Variants in LIMS1 observed in about 807,000 individuals in gnomAD.
LIMS1 encodes the protein LIM and senescent cell antigen-like-containing domain protein 1.
A neutral mutation model predicts 44.1 loss-of-function variants in LIMS1; 18 were observed. The ratio of observed to expected loss-of-function variants is 0.41; its 90% CI spans 0.28 to 0.61. The LOEUF (loss-of-function observed/expected upper bound fraction) is 0.61. Ranked by LOEUF, LIMS1 falls within the 20% of genes least tolerant of loss-of-function variation. The pLI, the probability that LIMS1 is intolerant of heterozygous loss-of-function variation, is 0.32. For missense variants in LIMS1, 201 were observed against 422.0 expected (o/e 0.48, Z 4.59); for synonymous variants, 93 against 149.1 (o/e 0.62, Z 2.74).
chr2:108,633,848 A>C (rs1689067670), intron 1 of LIMS1, among the ~76,000 whole-genome samples: 1 of 152,158 alleles, frequency 6.6e-6, no homozygotes, highest in Admixed American at 6.5e-5. Flanking sequence ...AATGATAAGA[A>C]ATTTACACAC....
chr2:108,546,146 C>T (rs189990566), intron 1 of LIMS1, among the ~76,000 whole-genome samples: 1 of 152,066 alleles, frequency 6.6e-6, no homozygotes, highest in Admixed American at 6.5e-5. Context: ...AGTACATTGT[C>T]TGTGGTATCT....
chr2:108,680,575 A>T (rs1692919433), intron 8 of LIMS1, 120 bp from the exon 9 acceptor site: 1 of 1,393,944 alleles, frequency 7.2e-7, no homozygotes, highest in Non-Finnish European at 9.8e-7. Flanking sequence ...GGTTCTTGAG[A>T]ACCTCCACCA....
At chr2:108,621,131 C>A in intron 1 of LIMS1, 1 of 614,240 alleles carries the variant, frequency 1.6e-6, no homozygotes, top group Non-Finnish European at 2.6e-6. Flanking sequence ...CCCCCCTCCC[C>A]AAGGTGCGAG....
At chr2:108,599,669 T>C (rs2917998) in intron 1 of LIMS1, among the ~76,000 whole-genome samples, 1 of 152,190 alleles carries the variant, frequency 6.6e-6, no homozygotes, top group African/African-American at 2.4e-5. Context: ...CCCTTTTCTC[T>C]ACATCCTCAC....
intron 1 of LIMS1, among the ~76,000 whole-genome samples, chr2:108,648,949 A>G (rs1449875997): frequency 2.0e-5 from 3 of 152,248 alleles, no homozygotes; most frequent in Admixed American, 6.5e-5. Flanking sequence ...TAAAACACCA[A>G]CAGCAATGGC....
chr2:108,580,649 C>T (rs1433979649), intron 1 of LIMS1, among the ~76,000 whole-genome samples: 2 of 152,124 alleles, frequency 1.3e-5, no homozygotes, highest in Non-Finnish European at 2.9e-5. Flanking sequence ...AGTAGTAAAT[C>T]GATTCAGAAA....
chr2:108,678,785 G>A (rs4011990), intron 8 of LIMS1, among the ~76,000 whole-genome samples: 2 of 152,148 alleles, frequency 1.3e-5, no homozygotes, highest in Non-Finnish European at 2.9e-5. Context: ...ACTCCTACAG[G>A]GGCAAATAAG....
rs144417338 is a variant in LIMS1 at position 108,535,079 on chromosome 2, A to T, written c.32+485A>T. Among the ~76,000 whole-genome samples the T allele has an allele frequency of 5.4e-4, 83 of 152,338 alleles. 3 individuals carry two copies. In the East Asian group the frequency reaches 0.015, roughly 28 times the overall value. The stretch of plus-strand genomic sequence containing the variant: ...CGTACATACCACATTTTTATGCAAC[A>T]TAGGGTTTTGCTAAAACAAAAGAGT... On this transcript the variant is annotated intron_variant, in intron 1 of 9. Transcript: ENST00000544547.
intron 1 of LIMS1, among the ~76,000 whole-genome samples, chr2:108,603,438 C>T (rs1332418611): frequency 6.6e-6 from 1 of 150,944 alleles, no homozygotes; most frequent in Non-Finnish European, 1.5e-5. Flanking sequence ...CTCATAGTAG[C>T]CACTAATGAT....
intron 1 of LIMS1, among the ~76,000 whole-genome samples, chr2:108,598,170 G>A (rs1362695743): frequency 2.0e-4 from 30 of 151,618 alleles, no homozygotes; most frequent in Non-Finnish European, 2.9e-4. Flanking sequence ...CAACTGCAGC[G>A]TGGGCTATTT....
intron 1 of LIMS1, among the ~76,000 whole-genome samples, chr2:108,604,500 A>C (rs530565388): frequency 6.6e-6 from 1 of 152,338 alleles, no homozygotes; most frequent in African/African-American, 2.4e-5. Flanking sequence ...AACATTTTCA[A>C]ATTTTAGACG....
At chr2:108,561,389 G>T (rs1474433653) in intron 1 of LIMS1, among the ~76,000 whole-genome samples, 1 of 152,150 alleles carries the variant, frequency 6.6e-6, no homozygotes, top group Non-Finnish European at 1.5e-5. Flanking sequence ...AGAAACCCGA[G>T]GTTTAGAAAG....
chr2:108,663,870 T>C (rs1032004425), intron 2 of LIMS1, among the ~76,000 whole-genome samples: 1 of 152,102 alleles, frequency 6.6e-6, no homozygotes, highest in Non-Finnish European at 1.5e-5. Flanking sequence ...TTCTCCTGCC[T>C]GAGGCTCCCA....
intron 1 of LIMS1, among the ~76,000 whole-genome samples, chr2:108,579,689 G>A (rs1012049147): frequency 8.5e-5 from 13 of 152,202 alleles, no homozygotes; most frequent in Admixed American, 4.6e-4. Context: ...TTGTTTGACA[G>A]TATTCACAGC....
intron 1 of LIMS1, chr2:108,588,500 C>G: frequency 1.0e-6 from 1 of 985,614 alleles, no homozygotes; most frequent in Non-Finnish European, 1.2e-6. Flanking sequence ...CTGGAGGTGG[C>G]TCAGGTAGAG....
intron 1 of LIMS1, among the ~76,000 whole-genome samples, chr2:108,657,317 G>A (rs1442199640): frequency 8.5e-5 from 13 of 152,250 alleles, no homozygotes; most frequent in African/African-American, 3.1e-4. Context: ...GGCTTTTTTA[G>A]AGTCCCATTA....
At chr2:108,536,642 A>G (rs908852176) in intron 1 of LIMS1, among the ~76,000 whole-genome samples, 3 of 152,196 alleles carry the variant, frequency 2.0e-5, no homozygotes, top group Admixed American at 6.5e-5. Context: ...ATGCAGTAGC[A>G]TGATCATGAC....
chr2:108,631,717 C>T (rs574911474), intron 1 of LIMS1, among the ~76,000 whole-genome samples: 10 of 152,144 alleles, frequency 6.6e-5, no homozygotes, highest in African/African-American at 1.2e-4. Flanking sequence ...GTGATGCGTA[C>T]GGCATCCATG....
intron 1 of LIMS1, among the ~76,000 whole-genome samples, chr2:108,540,973 G>A: frequency 6.6e-6 from 1 of 152,186 alleles, no homozygotes; most frequent in Non-Finnish European, 1.5e-5. Flanking sequence ...CTATAGCTGA[G>A]CCCATTAACA....
Sources: allele counts gnomAD v4.1 joint callset (sites outside exome capture counted in the v4.1 genomes callset), GRCh38; gene constraint gnomAD v4.1.1; transcripts MANE v1.5; gene names NCBI Gene and HGNC (gene_info 2026-07-23, HGNC 2026-07-21).